The following ADGRF5 variants were observed in gnomAD, a reference collection of about 807,000 sequenced individuals.
ADGRF5 encodes G-protein coupled receptor 116.
In ADGRF5, 75 loss-of-function variants were observed where a neutral mutation model predicts 132.3. That is an observed-to-expected ratio of 0.57 (90% CI 0.47 to 0.69). The LOEUF (loss-of-function observed/expected upper bound fraction) is 0.69, where lower values mean the gene tolerates loss of function less well. ADGRF5 is among the 30% of genes least tolerant of loss of function. The pLI, the probability that ADGRF5 is intolerant of heterozygous loss-of-function variation, is 0.00. For synonymous variants in ADGRF5, 629 were observed against 597.6 expected, an observed-to-expected ratio of 1.05 and a Z score of -0.77; for missense variants, 1,516 against 1,630.6, an observed-to-expected ratio of 0.93 and a Z score of 1.21.
In ADGRF5 at chr6:46,928,169, T is replaced by C. The variant is rs1325906826; in HGVS notation, c.-24-21383A>G. 4.6e-5 allele frequency among the ~76,000 whole-genome samples: 7 copies of C among 152,180 alleles called. No homozygotes were observed. In the East Asian group the frequency reaches 1.3e-3, roughly 29 times the overall value. ...AATCCTGGTCTATCAAAATTCTAGATAAAATTGCTTTTCTCCAGCTTGTGG... is the reference window on the plus strand; with the variant it reads ...AATCCTGGTCTATCAAAATTCTAGACAAAATTGCTTTTCTCCAGCTTGTGG... On this transcript the variant is annotated intron_variant, in intron 1 of 20. Coordinates refer to the ADGRF5 transcript ENST00000265417.
chr6:46,858,464 G>A lies in ADGRF5; in HGVS notation c.3439C>T (p.Leu1147=), dbSNP rs1413036984. 1.2e-6 allele frequency: 2 copies of A among 1,613,802 alleles called. No individual in the cohort carries two copies. Among genetic ancestry groups the A allele is most frequent in the African/African-American group, 1.3e-5 (1 of 74,894 alleles). The change falls in exon 17 of 21, where the codon CTG becomes TTG. Residue 1147 remains leucine, a synonymous_variant. Transcript: ENST00000283296. ...GCPLAISVIT[L]GATQPREVYT... The stretch of plus-strand genomic sequence containing the variant: ...ACTTCCCGGGGCTGGGTGGCTCCCA[G>A]CGTGATGACCGAGATGGCAAGTGGG...
chr6:46,884,754 C>T (rs1371850800), intron 4 of ADGRF5, among the ~76,000 whole-genome samples: 1 of 152,226 alleles, frequency 6.6e-6, no homozygotes, highest in African/African-American at 2.4e-5. Flanking sequence ...TGGTTGCTCT[C>T]TCTCTTTCTC....
At chr6:46,945,229 C>T (rs780824241) in intron 1 of ADGRF5, among the ~76,000 whole-genome samples, 2 of 152,152 alleles carry the variant, frequency 1.3e-5, no homozygotes, top group Non-Finnish European at 2.9e-5. Context: ...GACTTTAAAA[C>T]TCATATAGGA....
intron 14 of ADGRF5, among the ~76,000 whole-genome samples, chr6:46,864,649 C>A (rs1402631826): frequency 2.0e-5 from 3 of 152,018 alleles, no homozygotes; most frequent in Non-Finnish European, 2.9e-5. Context: ...CTCAGCCTCC[C>A]GAGCAGCTGG....
intron 4 of ADGRF5, among the ~76,000 whole-genome samples, chr6:46,884,764 C>G (rs902584256): frequency 3.9e-5 from 6 of 152,198 alleles, no homozygotes; most frequent in Non-Finnish European, 5.9e-5. Flanking sequence ...CTCTCTTTCT[C>G]TTTCTCCCCT....
chr6:46,927,444 G>A (rs971553621), intron 1 of ADGRF5, among the ~76,000 whole-genome samples: 4 of 151,976 alleles, frequency 2.6e-5, no homozygotes, highest in Non-Finnish European at 5.9e-5. Flanking sequence ...TCTGCATCCC[G>A]TGCTGTTACC....
chr6:46,872,490 A>G (rs751521927), intron 10 of ADGRF5, among the ~76,000 whole-genome samples: 3 of 152,216 alleles, frequency 2.0e-5, no homozygotes, highest in Admixed American at 6.5e-5. Context: ...TTAGATTATT[A>G]TGATTATTAA....
chr6:46,931,025 G>A (rs1311222484), intron 1 of ADGRF5, among the ~76,000 whole-genome samples: 2 of 152,112 alleles, frequency 1.3e-5, no homozygotes, highest in African/African-American at 2.4e-5. Context: ...CTGCACCCCA[G>A]GCTGGGCAAC....
At chr6:46,894,491 C>T (rs1340281925) in intron 3 of ADGRF5, among the ~76,000 whole-genome samples, 1 of 152,098 alleles carries the variant, frequency 6.6e-6, no homozygotes, top group Non-Finnish European at 1.5e-5. Context: ...CAAAGTTAGC[C>T]CCATCTTACC....
chr6:46,935,736 G>A (rs1462933196), intron 1 of ADGRF5, among the ~76,000 whole-genome samples: 2 of 152,140 alleles, frequency 1.3e-5, no homozygotes, highest in Admixed American at 1.3e-4. Flanking sequence ...ACATCTCCCT[G>A]ACCCAGAGGA....
chr6:46,876,895 GC>G (rs869100033), intron 10 of ADGRF5, among the ~76,000 whole-genome samples: 2 of 70,194 alleles, frequency 2.8e-5, no homozygotes, highest in Admixed American at 1.2e-4. Flanking sequence ...GTGAGCCACC[GC>G]CCCTGTTCTG....
chr6:46,859,143 C>T lies in ADGRF5; in HGVS notation c.2760G>A (p.Glu920=). 2 of 1,614,076 alleles carry T rather than the reference C, an allele frequency of 1.2e-6. No homozygotes were observed. The highest frequency in any genetic ancestry group is 1.7e-6 in the Non-Finnish European group (2 of 1,179,956). ...TGACAGTGGTTGTCATCACTAAGCT[C>T]TCTGCAAAGTTATTTTCCTGGATAT... ...AQDIQENNFA[E]SLVMTTTVSH... is the part of the protein sequence containing the mutation. Residue 920 remains glutamate, a synonymous_variant, in exon 17 of 21, where the codon GAG becomes GAA. Transcript: ENST00000283296.
chr6:46,854,827 A>G (rs1378357987), intron 20 of ADGRF5: 2 of 928,154 alleles, frequency 2.2e-6, no homozygotes, highest in Admixed American at 4.6e-5. Flanking sequence ...GCCCCCAAAC[A>G]TGCCCAATTG....
chr6:46,903,589 G>T (rs180972347), intron 2 of ADGRF5: 9 of 152,110 alleles, frequency 5.9e-5, no homozygotes, highest in African/African-American at 2.2e-4. Flanking sequence ...GTAAGCAAAG[G>T]CTCCTGCTTT....
In ADGRF5 at chr6:46,856,884, A is replaced by T; in HGVS notation, c.3799T>A (p.Cys1267Ser). ...FQGLFILLFGCLWDLKVQEAL... is the reference protein window; with the variant it reads ...FQGLFILLFGSLWDLKVQEAL... ...GCTCTTACCTTCAGATCCCAGAGGC[A>T]TCCAAAGAGTAAAATGAATAATCCC... The change falls in exon 18 of 21, where the codon TGC becomes AGC. Residue 1267 changes from cysteine to serine, a missense_variant. Cys to Ser is a moderately radical substitution (Grantham distance 112). Transcript: ENST00000283296. The T allele has an allele frequency of 6.2e-7, 1 of 1,610,004 alleles. No homozygotes were observed. Among genetic ancestry groups the T allele is most frequent in the Non-Finnish European group, 8.5e-7 (1 of 1,178,056 alleles).
intron 11 of ADGRF5, among the ~76,000 whole-genome samples, chr6:46,869,753 G>T (rs951746252): frequency 6.6e-6 from 1 of 152,112 alleles, no homozygotes; most frequent in Non-Finnish European, 1.5e-5. Flanking sequence ...ATGGCTAAAA[G>T]CACAATTACT....
Position 46,858,726 on chromosome 6 carries a change from G to T in ADGRF5, c.3177C>A (p.Ala1059=). 6.2e-7 allele frequency: 1 copy of T among 1,614,146 alleles called. No homozygotes were observed. The highest frequency in any genetic ancestry group is 8.5e-7 in the Non-Finnish European group (1 of 1,180,028). ...MRHTCIVNIA[A]SLLVANTWFI... Reference sequence around the variant, plus strand: ...ACCAGGTGTTGGCGACCAGAAGGGAGGCAGCGATATTCACTATGCAGGTGT... The same window carrying T: ...ACCAGGTGTTGGCGACCAGAAGGGATGCAGCGATATTCACTATGCAGGTGT... Residue 1059 remains alanine, a synonymous_variant, in exon 17 of 21, where the codon GCC becomes GCA. Transcript: ENST00000283296.
intron 1 of ADGRF5, among the ~76,000 whole-genome samples, chr6:46,919,224 T>C (rs1776684898): frequency 6.6e-6 from 1 of 152,158 alleles, no homozygotes; most frequent in Non-Finnish European, 1.5e-5. Context: ...TTTATCCTCA[T>C]AGTACTGACA....
intron 2 of ADGRF5, among the ~76,000 whole-genome samples, chr6:46,906,084 C>G (rs1029434748): frequency 1.3e-5 from 2 of 152,122 alleles, no homozygotes; most frequent in Admixed American, 6.6e-5. Flanking sequence ...GGGTACTTAT[C>G]CCTCCCTTTA....
Sources: gnomAD v4.1 joint callset for allele counts (sites outside exome capture counted in the v4.1 genomes callset) on GRCh38, gnomAD v4.1.1 for gene constraint, MANE v1.5 for transcripts, NCBI Gene and HGNC (gene_info 2026-07-23, HGNC 2026-07-21) for gene names.